NIBAN2: variants seen among roughly 807,000 people sequenced by gnomAD.
The protein encoded by NIBAN2 is niban apoptosis regulator 2.
A neutral mutation model predicts 81.8 loss-of-function variants in NIBAN2; 36 were observed. That is an observed-to-expected ratio of 0.44 (90% CI 0.34 to 0.58). NIBAN2 has a LOEUF of 0.58. Ranked by LOEUF, NIBAN2 falls within the 20% of genes least tolerant of loss-of-function variation. NIBAN2 has a pLI of 0.02. For missense variants in NIBAN2, 897 were observed against 1,014.1 expected (o/e 0.88, Z 1.57); for synonymous variants, 445 against 441.6 (o/e 1.01, Z -0.10).
Position 127,507,321 on chromosome 9 carries a change from A to G in NIBAN2, c.1765T>C (p.Trp589Arg). Residue 589 changes from tryptophan (W) to arginine (R), a missense_variant, in exon 14 of 14, where the codon TGG becomes CGG. Physicochemically the swap from Trp to Arg is moderately radical, Grantham distance 101. Coordinates refer to ENST00000373312, the MANE Select transcript of NIBAN2 (RefSeq NM_022833.4). The surrounding 1 kb of genome is among the most constrained non-coding windows in gnomAD (Gnocchi z 6.8). ...HLLAEGAPID[W>R]GEEYSNSGGG... ...CCGCTGTTGCTGTACTCCTCGCCCC[A>G]GTCGATGGGGGCGCCCTCGGCCAGC... The G allele has an allele frequency of 6.4e-7, 1 of 1,570,480 alleles. No homozygotes were observed. The highest frequency in any genetic ancestry group is 8.7e-7 in the Non-Finnish European group (1 of 1,154,362).
intron 1 of NIBAN2, among the ~76,000 whole-genome samples, chr9:127,554,415 C>T (rs1044449172): frequency 6.6e-6 from 1 of 152,160 alleles, no homozygotes; most frequent in African/African-American, 2.4e-5. Context: ...TTCCCCGCTC[C>T]GGAGCCTGCC....
rs568304124 is a variant in NIBAN2 at position 127,536,609 on chromosome 9, G to T, written c.56-4831C>A. Among the ~76,000 whole-genome samples the T allele has an allele frequency of 6.6e-6, 1 of 152,212 alleles. No individual in the cohort carries two copies. The highest frequency in any genetic ancestry group is 1.5e-5 in the Non-Finnish European group (1 of 68,048). On this transcript the variant is annotated intron_variant, in intron 1 of 13. Transcript: ENST00000373312. This position sits in a 1 kb window ranked among gnomAD's most constrained non-coding sequence, Gnocchi z 4.0. ...CCCACAGCAGCTCTTTCCATTTCCT[G>T]CCGCAGCCTCTGGAGACACCACACG...
intron 1 of NIBAN2, among the ~76,000 whole-genome samples, chr9:127,575,523 G>GC (rs1175847613): frequency 2.1e-5 from 2 of 94,116 alleles, no homozygotes; most frequent in Non-Finnish European, 4.0e-5. Context: ...ACTGTGCTGG[G>GC]CCCTTTTTTT....
At chr9:127,538,070 G>A (rs1837310847) in intron 1 of NIBAN2, among the ~76,000 whole-genome samples, 1 of 152,166 alleles carries the variant, frequency 6.6e-6, no homozygotes, top group South Asian at 2.1e-4. Flanking sequence ...TGCAGGTCCA[G>A]GGCAAAACTC....
In NIBAN2 at chr9:127,553,364, T is replaced by C. The variant is rs181692552; in HGVS notation, c.55+15456A>G. On this transcript the variant is annotated intron_variant, in intron 1 of 13. Coordinates refer to ENST00000373312, the MANE Select transcript of NIBAN2 (RefSeq NM_022833.4). ...CGCCAAGCAACCTGATATAATACCA[T>C]CCTGGCCATCAAGTTCAGGCTGCTG... Among the ~76,000 whole-genome samples the C allele has an allele frequency of 1.6e-3, 247 of 152,262 alleles. 2 individuals are homozygous for C. Among genetic ancestry groups the C allele is most frequent in the Admixed American group, 4.6e-3 (71 of 15,292 alleles).
Position 127,507,146 on chromosome 9 carries a change from G to A in NIBAN2, c.1940C>T (p.Pro647Leu), listed in dbSNP as rs552467244. Residue 647 changes from proline (P) to leucine (L), a missense_variant, in exon 14 of 14, where the codon CCG becomes CTG. Physicochemically the swap from Pro to Leu is moderately conservative, Grantham distance 98. This residue lies in a region of NIBAN2 where 619 missense variants were observed against 691.0 expected (regional missense o/e 0.90). Coordinates refer to ENST00000373312, the MANE Select transcript of NIBAN2 (RefSeq NM_022833.4). This position sits in a 1 kb window ranked among gnomAD's most constrained non-coding sequence, Gnocchi z 6.8. ...ASPESPPPAS[P>L]DGVTEIRGLL... The stretch of plus-strand genomic sequence containing the variant: ...GCCTCGGATCTCAGTGACACCGTCC[G>A]GGGACGCAGGTGGTGGTGACTCAGG... 28 of 1,606,240 alleles carry A rather than the reference G, an allele frequency of 1.7e-5. No individual in the cohort carries two copies. Among genetic ancestry groups the A allele is most frequent in the East Asian group, 2.2e-5 (1 of 44,624 alleles).
intron 1 of NIBAN2, among the ~76,000 whole-genome samples, chr9:127,534,254 C>T (rs1837234695): frequency 6.6e-6 from 1 of 152,258 alleles, no homozygotes; most frequent in Admixed American, 6.5e-5. Flanking sequence ...TTTCTCAAAA[C>T]AGGAGCTGGC....
At chr9:127,566,992 G>C (rs1411068398) in intron 1 of NIBAN2, among the ~76,000 whole-genome samples, 2 of 151,680 alleles carry the variant, frequency 1.3e-5, no homozygotes, top group African/African-American at 4.9e-5. Flanking sequence ...GTGTGGAGAA[G>C]AGAGAGACCA....
At chr9:127,530,824 G>A (rs1837164985) in intron 2 of NIBAN2, among the ~76,000 whole-genome samples, 1 of 152,096 alleles carries the variant, frequency 6.6e-6, no homozygotes, top group Non-Finnish European at 1.5e-5. Flanking sequence ...GAGCTAGGAG[G>A]AGTCACCCAC....
chr9:127,557,685 C>A (rs1837698223), intron 1 of NIBAN2, among the ~76,000 whole-genome samples: 1 of 152,234 alleles, frequency 6.6e-6, no homozygotes, highest in South Asian at 2.1e-4. Context: ...GGAGGTTTGG[C>A]CTCCCAGGAC....
intron 1 of NIBAN2, among the ~76,000 whole-genome samples, chr9:127,552,685 T>G (rs566103016): frequency 6.9e-5 from 3 of 43,736 alleles, no homozygotes; most frequent in African/African-American, 1.8e-4. Context: ...GGAATATTCG[T>G]TTTTTTTTTT....
At chr9:127,535,991 G>A (rs1837269764) in intron 1 of NIBAN2, among the ~76,000 whole-genome samples, 1 of 152,140 alleles carries the variant, frequency 6.6e-6, no homozygotes, top group African/African-American at 2.4e-5. Context: ...CTTAAGGACG[G>A]AGCCCAGGCA....
chr9:127,540,785 C>T (rs1451613890), intron 1 of NIBAN2, among the ~76,000 whole-genome samples: 1 of 152,252 alleles, frequency 6.6e-6, no homozygotes, highest in Non-Finnish European at 1.5e-5. Context: ...CGGCGCCAGC[C>T]CTGGTTTGGC....
chr9:127,576,687 A>G (rs1029481573), intron 1 of NIBAN2, among the ~76,000 whole-genome samples: 1 of 151,622 alleles, frequency 6.6e-6, no homozygotes, highest in Admixed American at 6.6e-5. Flanking sequence ...CTGAGGCAGG[A>G]GGATCGCTTG....
intron 9 of NIBAN2, 149 bp downstream of exon 9, chr9:127,509,997 C>T: frequency 1.5e-6 from 1 of 668,862 alleles, no homozygotes. Context: ...GGCCTCACAG[C>T]CTCTGCCCCT....
intron 1 of NIBAN2, among the ~76,000 whole-genome samples, chr9:127,532,124 G>A (rs1837195809): frequency 6.6e-6 from 1 of 152,212 alleles, no homozygotes; most frequent in African/African-American, 2.4e-5. Flanking sequence ...GCCAGGAATG[G>A]GGACAGCCAT....
Position 127,568,970 on chromosome 9 carries a change from C to T in NIBAN2, c.-96G>A. 8.9e-7 allele frequency: 1 copy of T among 1,128,882 alleles called. No individual in the cohort carries two copies. Among genetic ancestry groups the T allele is most frequent in the South Asian group, 4.4e-5 (1 of 22,682 alleles). The allele number at this position is 1,128,882 out of a possible 1,614,324, so 69.9% of individuals were successfully genotyped here. A position where few individuals can be genotyped will look rare whatever the true frequency, so the allele number is the denominator to read the frequency against. On this transcript the variant is annotated 5_prime_UTR_variant, in exon 1 of 14. Transcript: ENST00000373312. ...CTGGCGCCATGGAGCCCGGCCCGCC[C>T]TGCTTCCCCCGCTCCCGCCGCTCCC...
At chr9:127,526,898 G>C (rs984337065) in intron 3 of NIBAN2, among the ~76,000 whole-genome samples, 1 of 152,062 alleles carries the variant, frequency 6.6e-6, no homozygotes, top group Admixed American at 6.6e-5. Flanking sequence ...CCTGGAGCCA[G>C]CTGGAGGGAC....
At chr9:127,553,405 G>A (rs1837612703) in intron 1 of NIBAN2, among the ~76,000 whole-genome samples, 1 of 152,216 alleles carries the variant, frequency 6.6e-6, no homozygotes, top group Non-Finnish European at 1.5e-5. Flanking sequence ...CCTCCAGGAG[G>A]GAAGGAGTTC....
Sources: allele counts gnomAD v4.1 joint callset (sites outside exome capture counted in the v4.1 genomes callset), GRCh38; gene constraint gnomAD v4.1.1; regional missense constraint gnomAD v4.1.1; non-coding constraint Gnocchi (gnomAD v3.1); transcripts MANE v1.5; gene names NCBI Gene and HGNC (gene_info 2026-07-23, HGNC 2026-07-21).